Variants in GRID1 observed in about 807,000 individuals in gnomAD.
The protein encoded by GRID1 is glutamate ionotropic receptor delta type subunit 1.
Under a neutral mutation model 98.0 loss-of-function variants are expected in GRID1, and 28 were observed. The observed-to-expected ratio is 0.29, with a 90% confidence interval of 0.21 to 0.39. The LOEUF (loss-of-function observed/expected upper bound fraction) is 0.39. GRID1 is among the 10% of genes least tolerant of loss of function. The pLI is 1.00. For synonymous variants in GRID1, 553 were observed against 538.5 expected, an observed-to-expected ratio of 1.03 and a Z score of -0.37; for missense variants, 1,111 against 1,340.5, an observed-to-expected ratio of 0.83 and a Z score of 2.67.
At chr10:85,820,007 AAGGAAGGAAGGAAGGAAGGAAGGC>A (rs1564600142) in intron 8 of GRID1, among the ~76,000 whole-genome samples, 6 of 120,096 alleles carry the variant, frequency 5.0e-5, no homozygotes, top group Middle Eastern at 3.7e-3. Flanking sequence ...GGAAGGAAGG[AAGGAAGGAAGGAAGGAAGGAAGGC>A]AGGCAGGCAG....
chr10:86,256,273 A>C (rs896851077), intron 2 of GRID1, among the ~76,000 whole-genome samples: 1 of 152,196 alleles, frequency 6.6e-6, no homozygotes, highest in African/African-American at 2.4e-5. Flanking sequence ...GGAACAGCCC[A>C]GTTGGCTCCC....
At chr10:86,060,003 G>A (rs1371279621) in intron 4 of GRID1, among the ~76,000 whole-genome samples, 1 of 152,234 alleles carries the variant, frequency 6.6e-6, no homozygotes, top group East Asian at 1.9e-4. Flanking sequence ...AAACAACTAT[G>A]ATGGAAGTGG....
chr10:86,073,101 C>G (rs1287300474), intron 4 of GRID1, among the ~76,000 whole-genome samples: 2 of 152,166 alleles, frequency 1.3e-5, no homozygotes, highest in African/African-American at 4.8e-5. Flanking sequence ...ATTAAAAAAT[C>G]TTTGTTTGTT....
intron 4 of GRID1, among the ~76,000 whole-genome samples, chr10:86,007,307 C>A (rs1325956317): frequency 6.6e-6 from 1 of 152,234 alleles, no homozygotes; most frequent in African/African-American, 2.4e-5. Context: ...TCCCACCCCC[C>A]ACTGACACTG....
At position 86,206,667 on chromosome 10, in the gene GRID1, G is replaced by A. The variant is rs1216768035; in HGVS notation, c.236-19C>T. On this transcript the variant is annotated intron_variant, in intron 2 of 15. Transcript: ENST00000327946. The surrounding 1 kb of genome is among the most constrained non-coding windows in gnomAD (Gnocchi z 4.1). ...TCACAGGCTAGAAAGAGAGAAGAGA[G>A]AGAGGAAGGGGTCAGCATCAGGGCG... 1 of 1,602,410 alleles carries A rather than the reference G, an allele frequency of 6.2e-7. No individual in the cohort carries two copies. Among genetic ancestry groups the A allele is most frequent in the East Asian group, 2.2e-5 (1 of 44,640 alleles).
At chr10:86,043,115 T>C (rs1843370947) in intron 4 of GRID1, among the ~76,000 whole-genome samples, 1 of 152,084 alleles carries the variant, frequency 6.6e-6, no homozygotes, top group East Asian at 1.9e-4. Context: ...GTCTATTTTA[T>C]TAGACATCAG....
chr10:86,021,798 C>T (rs767576394), intron 4 of GRID1, among the ~76,000 whole-genome samples: 3 of 152,246 alleles, frequency 2.0e-5, no homozygotes, highest in African/African-American at 2.4e-5. Flanking sequence ...CTGGAGCCAT[C>T]GGCTTCTCAG....
At position 85,809,214 on chromosome 10, in the gene GRID1, G is replaced by GA. The variant is rs796811795; in HGVS notation, c.1233+45281dup. Among the ~76,000 whole-genome samples, 681 of 149,860 alleles carry GA rather than the reference G, an allele frequency of 4.5e-3. 2 individuals are homozygous for GA. The highest frequency in any genetic ancestry group is 0.016 in the African/African-American group (631 of 39,744). ...TTCACAGAGAAAAAAATAAAATGAGGAAAAAAACAGAGCATAAAAGATACA... is the reference window on the plus strand; with the variant it reads ...TTCACAGAGAAAAAAATAAAATGAGGAAAAAAAACAGAGCATAAAAGATACA... On this transcript the variant is annotated intron_variant, in intron 8 of 15. Transcript: ENST00000327946.
intron 5 of GRID1, among the ~76,000 whole-genome samples, chr10:85,909,941 A>C (rs1378072410): frequency 6.6e-6 from 1 of 152,192 alleles, no homozygotes; most frequent in Admixed American, 6.5e-5. Context: ...TTACTTTTTC[A>C]GTAATAATAA....
intron 12 of GRID1, among the ~76,000 whole-genome samples, chr10:85,720,032 A>G (rs557057422): frequency 1.3e-5 from 2 of 150,990 alleles, no homozygotes; most frequent in East Asian, 3.9e-4. Flanking sequence ...ATTTGTCAAT[A>G]ATACCTCAAA....
At chr10:86,112,693 C>CTT (rs1844507031) in intron 4 of GRID1, among the ~76,000 whole-genome samples, 1 of 152,148 alleles carries the variant, frequency 6.6e-6, no homozygotes, top group African/African-American at 2.4e-5. Flanking sequence ...TGAGGACGGG[C>CTT]CTTCTCCACA....
At chr10:86,282,321 T>A (rs973402464) in intron 2 of GRID1, among the ~76,000 whole-genome samples, 3 of 152,132 alleles carry the variant, frequency 2.0e-5, no homozygotes, top group African/African-American at 7.2e-5. Flanking sequence ...TCTCTGGGCC[T>A]CAGTTGCCTC....
chr10:86,309,206 A>T (rs1427695622), intron 2 of GRID1, among the ~76,000 whole-genome samples: 7 of 152,222 alleles, frequency 4.6e-5, no homozygotes, highest in Non-Finnish European at 7.3e-5. Context: ...GAGTAAGGTG[A>T]GTCCCAAAGA....
At chr10:86,156,732 T>C (rs999407213) in intron 3 of GRID1, among the ~76,000 whole-genome samples, 7 of 152,250 alleles carry the variant, frequency 4.6e-5, no homozygotes, top group Non-Finnish European at 1.0e-4. Flanking sequence ...AGGAAGGGAA[T>C]GTCAGAAGAG....
At chr10:85,840,318 G>A (rs1204616466) in intron 8 of GRID1, among the ~76,000 whole-genome samples, 1 of 152,016 alleles carries the variant, frequency 6.6e-6, no homozygotes, top group East Asian at 1.9e-4. Flanking sequence ...GAAAAGTTGA[G>A]ACCAATATCC....
intron 12 of GRID1, among the ~76,000 whole-genome samples, chr10:85,663,019 C>T (rs747865712): frequency 1.3e-5 from 2 of 152,160 alleles, no homozygotes; most frequent in African/African-American, 4.8e-5. Context: ...TGGAACAGTT[C>T]TCCTTCCTAA....
At chr10:85,789,465 A>G (rs1030259195) in intron 8 of GRID1, among the ~76,000 whole-genome samples, 3 of 152,158 alleles carry the variant, frequency 2.0e-5, no homozygotes, top group Admixed American at 2.0e-4. Flanking sequence ...TTGAATTTAT[A>G]GAACATGGCA....
intron 8 of GRID1, among the ~76,000 whole-genome samples, chr10:85,833,504 A>G (rs538279123): frequency 6.6e-6 from 1 of 152,012 alleles, no homozygotes; most frequent in Non-Finnish European, 1.5e-5. Context: ...TGCTAAAACT[A>G]ACCAGGATAT....
chr10:86,231,754 A>G (rs1195385024), intron 2 of GRID1, among the ~76,000 whole-genome samples: 1 of 152,236 alleles, frequency 6.6e-6, no homozygotes, highest in Non-Finnish European at 1.5e-5. Flanking sequence ...GACCTCAATC[A>G]GCACCTAGTC....
Sources: gnomAD v4.1 joint callset for allele counts (sites outside exome capture counted in the v4.1 genomes callset) on GRCh38, gnomAD v4.1.1 for gene constraint, Gnocchi (gnomAD v3.1) non-coding constraint, MANE v1.5 for transcripts, NCBI Gene and HGNC (gene_info 2026-07-23, HGNC 2026-07-21) for gene names.